PRTFDC1: variants seen among roughly 807,000 people sequenced by gnomAD.
The protein encoded by PRTFDC1 is phosphoribosyl transferase domain containing 1, also known as phosphoribosyltransferase domain-containing protein 1.
A neutral mutation model predicts 34.6 loss-of-function variants in PRTFDC1; 38 were observed. The ratio of observed to expected loss-of-function variants is 1.10; its 90% CI spans 0.85 to 1.44. PRTFDC1 has a LOEUF of 1.44. Among genes scored for constraint, PRTFDC1 ranks in the 40% most tolerant of loss-of-function variants. PRTFDC1 has a pLI of 0.00. For missense variants in PRTFDC1, 270 were observed against 283.0 expected (o/e 0.95, Z 0.33); for synonymous variants, 93 against 98.1 (o/e 0.95, Z 0.31).
At chr10:24,863,926 G>A (rs75798148) in intron 4 of PRTFDC1, among the ~76,000 whole-genome samples, 1,985 of 151,322 alleles carry the variant, frequency 0.013, 15 homozygotes, top group Middle Eastern at 0.034. Flanking sequence ...AAATGAGGTG[G>A]GAGGATCACC....
intron 3 of PRTFDC1, among the ~76,000 whole-genome samples, chr10:24,935,052 A>G (rs951886624): frequency 6.6e-6 from 1 of 152,208 alleles, no homozygotes; most frequent in African/African-American, 2.4e-5. Flanking sequence ...TTAGGGGTTC[A>G]GGAGGTTGAC....
At chr10:24,937,566 T>TC (rs1849074693) in intron 2 of PRTFDC1, among the ~76,000 whole-genome samples, 199 bp from the exon 3 acceptor site, 1 of 151,724 alleles carries the variant, frequency 6.6e-6, no homozygotes, top group East Asian at 2.0e-4. Context: ...TTTTTTTTTT[T>TC]TTTTTTTTTA....
Position 24,851,381 on chromosome 10 carries a change from G to A in PRTFDC1, c.630+7C>T, listed in dbSNP as rs1168019784. ...AGGGCGGTTAGGGATTTGCATGCAA[G>A]ACTTACATTCAGATCTCTGAAGTAT... On this transcript the variant is annotated splice_region_variant and intron_variant, in intron 8 of 8. Transcript: ENST00000320152. 6.3e-7 allele frequency: 1 copy of A among 1,595,832 alleles called. No individual in the cohort carries two copies. Among genetic ancestry groups the A allele is most frequent in the East Asian group, 2.2e-5 (1 of 44,648 alleles).
At chr10:24,935,142 T>C (rs1161816158) in intron 3 of PRTFDC1, among the ~76,000 whole-genome samples, 1 of 152,226 alleles carries the variant, frequency 6.6e-6, no homozygotes, top group South Asian at 2.1e-4. Context: ...CATGATTGTA[T>C]GCATTTGTTG....
intron 5 of PRTFDC1, 91 bp downstream of exon 5, chr10:24,858,301 C>T: frequency 1.4e-6 from 2 of 1,439,740 alleles, no homozygotes; most frequent in East Asian, 4.6e-5. Flanking sequence ...CTCAAGAAAT[C>T]CTTGGTCAAT....
chr10:24,866,362 A>G lies in PRTFDC1; in HGVS notation c.405+5636T>C, dbSNP rs1180337794. On this transcript the variant is annotated intron_variant, in intron 4 of 8. Coordinates refer to ENST00000320152, the MANE Select transcript of PRTFDC1 (RefSeq NM_020200.7). ...GGCGATAGAGCGAGATTCTGCCTCA[A>G]AAAAAAAAAAAAAAAAAAGAAAAAA... Among the ~76,000 whole-genome samples, 3 of 140,674 alleles carry G rather than the reference A, an allele frequency of 2.1e-5. No individual in the cohort carries two copies. In the South Asian group the frequency reaches 6.6e-4, roughly 31 times the overall value. 92.3% of individuals were successfully genotyped at this position (140,674 alleles called of 152,430 possible).
chr10:24,876,938 CT>C (rs1244829382), intron 3 of PRTFDC1, among the ~76,000 whole-genome samples: 1 of 151,162 alleles, frequency 6.6e-6, no homozygotes, highest in Non-Finnish European at 1.5e-5. Flanking sequence ...AAAAATAAGC[CT>C]TTTATTTCCC....
At chr10:24,897,630 C>A (rs61854293) in intron 3 of PRTFDC1, among the ~76,000 whole-genome samples, 17,670 of 152,158 alleles carry the variant, frequency 0.12, 1,266 homozygotes, top group East Asian at 0.29. Context: ...TCTTTGTAAG[C>A]ATAACTGTTT....
At chr10:24,857,630 T>G (rs1429261028) in intron 5 of PRTFDC1, among the ~76,000 whole-genome samples, 1 of 152,152 alleles carries the variant, frequency 6.6e-6, no homozygotes, top group Non-Finnish European at 1.5e-5. Context: ...AAACAACAGG[T>G]CTGAATGTAG....
intron 8 of PRTFDC1, 45 bp downstream of exon 8, chr10:24,851,343 A>C: frequency 6.3e-7 from 1 of 1,583,242 alleles, no homozygotes; most frequent in South Asian, 1.2e-5. Context: ...TAAATTGTTA[A>C]GTTCTTATAA....
At chr10:24,922,141 C>T (rs1000575509) in intron 3 of PRTFDC1, among the ~76,000 whole-genome samples, 1 of 152,126 alleles carries the variant, frequency 6.6e-6, no homozygotes, top group Non-Finnish European at 1.5e-5. Flanking sequence ...AATATGTAAT[C>T]TCAAAAAGAT....
intron 2 of PRTFDC1, among the ~76,000 whole-genome samples, 185 bp from the exon 3 acceptor site, chr10:24,937,552 CTGCT>C (rs1475407552): frequency 6.7e-5 from 7 of 103,718 alleles, no homozygotes; most frequent in Non-Finnish European, 9.4e-5. Context: ...TCAAAACATA[CTGCT>C]TTTTTTTTTT....
At chr10:24,871,900 G>A (rs533244494) in intron 4 of PRTFDC1, 98 bp downstream of exon 4, 18 of 1,005,216 alleles carry the variant, frequency 1.8e-5, no homozygotes, top group South Asian at 1.1e-4. Flanking sequence ...GGAAAACCCG[G>A]GAGCATGTCT....
chr10:24,928,527 T>A (rs1848915832), intron 3 of PRTFDC1, among the ~76,000 whole-genome samples: 1 of 152,040 alleles, frequency 6.6e-6, no homozygotes, highest in South Asian at 2.1e-4. Context: ...CACTGCAACC[T>A]CCACCTCCCG....
intron 3 of PRTFDC1, among the ~76,000 whole-genome samples, chr10:24,882,005 G>A (rs912154642): frequency 1.3e-5 from 2 of 151,996 alleles, no homozygotes; most frequent in Admixed American, 1.3e-4. Flanking sequence ...TCAGGAGTTC[G>A]AGACCAGCCT....
chr10:24,923,668 G>T (rs1848825528), intron 3 of PRTFDC1, among the ~76,000 whole-genome samples: 1 of 152,076 alleles, frequency 6.6e-6, no homozygotes, highest in African/African-American at 2.4e-5. Flanking sequence ...AAAGACCAAA[G>T]GTAGATAAAA....
At chr10:24,857,875 A>T (rs1847610228) in intron 5 of PRTFDC1, among the ~76,000 whole-genome samples, 1 of 152,048 alleles carries the variant, frequency 6.6e-6, no homozygotes, top group African/African-American at 2.4e-5. Context: ...TCTTTTTTTT[A>T]ACAGAAAAAC....
intron 1 of PRTFDC1, among the ~76,000 whole-genome samples, chr10:24,944,785 G>A (rs994858965): frequency 4.7e-4 from 71 of 152,090 alleles, no homozygotes; most frequent in African/African-American, 1.6e-3. Context: ...CTTGTCTCTC[G>A]AAAAATAAAA....
chr10:24,881,342 C>T (rs1188459482), intron 3 of PRTFDC1, among the ~76,000 whole-genome samples: 1 of 152,042 alleles, frequency 6.6e-6, no homozygotes, highest in Non-Finnish European at 1.5e-5. Context: ...AGCACCTGGC[C>T]CCACTTTGCT....
Sources: allele counts gnomAD v4.1 joint callset (sites outside exome capture counted in the v4.1 genomes callset), GRCh38; gene constraint gnomAD v4.1.1; transcripts MANE v1.5; gene names NCBI Gene and HGNC (gene_info 2026-07-23, HGNC 2026-07-21).